Variants in SCLT1 observed in about 807,000 individuals in gnomAD.
SCLT1 encodes the protein sodium channel-associated protein 1.
SCLT1 carries 78 observed loss-of-function variants against 112.8 expected under a neutral mutation model. The observed-to-expected ratio is 0.69, with a 90% CI of 0.58 to 0.83. SCLT1 has a LOEUF of 0.83. SCLT1 is among the 40% of genes least tolerant of loss of function. The probability of loss-of-function intolerance (pLI) is 0.00; values close to 1 mark genes in which losing one functional copy is unlikely to be tolerated. For synonymous variants in SCLT1, 257 were observed against 254.7 expected (o/e 1.01, Z -0.09); for missense variants, 747 against 770.4 (o/e 0.97, Z 0.36).
At chr4:129,005,351 T>C (rs1743898535) in intron 5 of SCLT1, among the ~76,000 whole-genome samples, 1 of 152,144 alleles carries the variant, frequency 6.6e-6, no homozygotes, top group Admixed American at 6.5e-5. Context: ...CTTTAAAATA[T>C]CAGAAACACT....
At chr4:129,003,663 CATAA>C (rs1335133397) in intron 6 of SCLT1, 74 bp downstream of exon 6, 13 of 1,098,612 alleles carry the variant, frequency 1.2e-5, no homozygotes, top group African/African-American at 4.8e-5. Context: ...TTTTGTTATC[CATAA>C]ATAATGATTA....
intron 18 of SCLT1, among the ~76,000 whole-genome samples, chr4:128,896,735 T>C (rs745808088): frequency 4.6e-5 from 7 of 151,886 alleles, no homozygotes; most frequent in Non-Finnish European, 1.0e-4. Flanking sequence ...CCAGCTAAAG[T>C]AGGAAGTTTG....
intron 5 of SCLT1, among the ~76,000 whole-genome samples, chr4:129,029,526 G>C (rs1746491095): frequency 6.7e-6 from 1 of 149,862 alleles, no homozygotes. Context: ...AGGGCCTGTT[G>C]TGGGGTGGAG....
At chr4:128,925,994 C>G (rs551702489) in intron 18 of SCLT1, among the ~76,000 whole-genome samples, 2 of 151,672 alleles carry the variant, frequency 1.3e-5, no homozygotes, top group Non-Finnish European at 2.9e-5. Context: ...TTAAAGTTCT[C>G]ATGTTTTAAT....
intron 7 of SCLT1, among the ~76,000 whole-genome samples, chr4:128,999,422 C>T (rs1205156634): frequency 6.6e-6 from 1 of 151,904 alleles, no homozygotes; most frequent in Non-Finnish European, 1.5e-5. Flanking sequence ...TAAAGTTGCT[C>T]TTTAGCACTA....
At chr4:128,978,183 T>A (rs1385637402) in intron 9 of SCLT1, among the ~76,000 whole-genome samples, 1 of 152,050 alleles carries the variant, frequency 6.6e-6, no homozygotes, top group African/African-American at 2.4e-5. Context: ...TTTCTTTTTT[T>A]AAAAAAGGAG....
chr4:128,980,293 A>T (rs1741531776), intron 9 of SCLT1, among the ~76,000 whole-genome samples: 1 of 152,208 alleles, frequency 6.6e-6, no homozygotes, highest in Non-Finnish European at 1.5e-5. Context: ...AAAATCTGTT[A>T]GCTAAAATAA....
intron 18 of SCLT1, among the ~76,000 whole-genome samples, chr4:128,895,749 C>G (rs1040735909): frequency 1.3e-5 from 2 of 152,212 alleles, no homozygotes; most frequent in African/African-American, 2.4e-5. Flanking sequence ...ATTGCCTCAC[C>G]TGGGAAGTGC....
At chr4:128,987,785 A>G (rs1742230422) in intron 9 of SCLT1, among the ~76,000 whole-genome samples, 1 of 152,204 alleles carries the variant, frequency 6.6e-6, no homozygotes, top group African/African-American at 2.4e-5. Context: ...ACATAATAAC[A>G]GAGAACTTTC....
chr4:129,072,831 C>G (rs1476262092), intron 2 of SCLT1, among the ~76,000 whole-genome samples: 1 of 151,874 alleles, frequency 6.6e-6, no homozygotes, highest in Non-Finnish European at 1.5e-5. Flanking sequence ...TGGTTTGGAG[C>G]CATTCCTGGT....
intron 18 of SCLT1, among the ~76,000 whole-genome samples, chr4:128,901,422 C>T (rs1579324538): frequency 1.3e-5 from 2 of 148,154 alleles, no homozygotes; most frequent in East Asian, 4.0e-4. Flanking sequence ...ATCGCAAGGA[C>T]AAAAAACCAA....
intron 18 of SCLT1, among the ~76,000 whole-genome samples, chr4:128,934,745 T>C (rs1737047804): frequency 1.3e-5 from 2 of 151,966 alleles, no homozygotes; most frequent in South Asian, 2.1e-4. Flanking sequence ...TATTCAACCA[T>C]GTTGTCTGTT....
intron 5 of SCLT1, among the ~76,000 whole-genome samples, chr4:129,033,446 A>T (rs1746910826): frequency 6.8e-6 from 1 of 147,160 alleles, no homozygotes; most frequent in Non-Finnish European, 1.5e-5. Context: ...ACCATGGCAC[A>T]TGTATACCTA....
intron 2 of SCLT1, among the ~76,000 whole-genome samples, chr4:129,063,104 T>G (rs1750138344): frequency 6.6e-6 from 1 of 152,262 alleles, no homozygotes; most frequent in South Asian, 2.1e-4. Context: ...GACTGGGTAA[T>G]TTCAAATGAC....
At chr4:128,997,624 T>A (rs532051842) in intron 8 of SCLT1, among the ~76,000 whole-genome samples, 1 of 151,974 alleles carries the variant, frequency 6.6e-6, no homozygotes, top group Non-Finnish European at 1.5e-5. Flanking sequence ...ACTCACTGTC[T>A]AGATTAGTCT....
intron 9 of SCLT1, among the ~76,000 whole-genome samples, chr4:128,973,751 T>C (rs1216447837): frequency 6.6e-6 from 1 of 152,180 alleles, no homozygotes; most frequent in African/African-American, 2.4e-5. Flanking sequence ...TGGAAGTCAT[T>C]ATAAAAAAAA....
intron 9 of SCLT1, among the ~76,000 whole-genome samples, chr4:128,973,899 T>A (rs1247182193): frequency 6.6e-6 from 1 of 152,144 alleles, no homozygotes; most frequent in African/African-American, 2.4e-5. Context: ...AGTAAATAGT[T>A]CTTTATATCT....
intron 18 of SCLT1, among the ~76,000 whole-genome samples, chr4:128,896,201 G>A (rs1733742071): frequency 6.6e-6 from 1 of 152,216 alleles, no homozygotes; most frequent in African/African-American, 2.4e-5. Flanking sequence ...GGTTCTCCCA[G>A]CACGCAGCTG....
At chr4:128,981,483 AT>A (rs1214739637) in intron 9 of SCLT1, among the ~76,000 whole-genome samples, 1 of 152,128 alleles carries the variant, frequency 6.6e-6, no homozygotes, top group East Asian at 1.9e-4. Flanking sequence ...TCCTTTTAAG[AT>A]GTCTTTCCAG....
Sources: gnomAD v4.1 joint callset for allele counts (sites outside exome capture counted in the v4.1 genomes callset) on GRCh38, gnomAD v4.1.1 for gene constraint, MANE v1.5 for transcripts, NCBI Gene and HGNC (gene_info 2026-07-23, HGNC 2026-07-21) for gene names.